The following SLC23A2 variants were observed in gnomAD, a reference collection of about 807,000 sequenced individuals.
The protein encoded by SLC23A2 is Na(+)/L-ascorbic acid transporter 2.
In SLC23A2, 36 loss-of-function variants were observed where a neutral mutation model predicts 73.3. That is an observed-to-expected ratio of 0.49 (90% confidence interval 0.38 to 0.65). The LOEUF (loss-of-function observed/expected upper bound fraction) is 0.65. Among genes scored for constraint, SLC23A2 ranks in the 30% least tolerant of loss-of-function variants. The pLI is 0.00. For synonymous variants in SLC23A2, 343 were observed against 327.3 expected (o/e 1.05, Z -0.52); for missense variants, 507 against 841.6 (o/e 0.60, Z 4.92).
intron 1 of SLC23A2, among the ~76,000 whole-genome samples, chr20:4,981,903 G>A (rs142637347): frequency 0.012 from 1,751 of 152,116 alleles, 31 homozygotes; most frequent in East Asian, 0.049. Context: ...GGGCTTCACC[G>A]TGATAGCCAG....
rs2122756585 is a variant in SLC23A2, at chr20:4,852,935, G to C, written c.*4037C>G. ...ACCCCCAACGCTAATGTGCCTTATGGGTCCATGGGCAGACGCTGAACGCTG... is the reference window on the plus strand; with the variant it reads ...ACCCCCAACGCTAATGTGCCTTATGCGTCCATGGGCAGACGCTGAACGCTG... On this transcript the variant is annotated 3_prime_UTR_variant, in exon 17 of 17. Coordinates refer to ENST00000338244, the MANE Select transcript of SLC23A2 (RefSeq NM_005116.6). This position sits in a 1 kb window ranked among gnomAD's most constrained non-coding sequence, Gnocchi z 4.3. 1 of 152,758 alleles carries C rather than the reference G, an allele frequency of 6.5e-6. No individual in the cohort carries two copies. The highest frequency in any genetic ancestry group is 2.1e-4 in the South Asian group (1 of 4,820). The allele number at this position is 152,758 out of a possible 1,614,324, so 9.5% of individuals were successfully genotyped here.
At position 4,862,703 on chromosome 20, in the gene SLC23A2, G is replaced by A. The variant is rs973777982; in HGVS notation, c.1486+75C>T. ...TTTATCGTTACCTTCTTACTGAAGG[G>A]AGTCAGCAAAAACACCATGACCCCT... On this transcript the variant is annotated intron_variant, in intron 14 of 16. Transcript: ENST00000338244. This position sits in a 1 kb window ranked among gnomAD's most constrained non-coding sequence, Gnocchi z 5.1. 9 of 1,315,688 alleles carry A rather than the reference G, an allele frequency of 6.8e-6. No homozygotes were observed. The African/African-American group carries it at 8.9e-5, about 13-fold the overall frequency. 81.5% of individuals were successfully genotyped at this position (1,315,688 alleles called of 1,614,324 possible). A position where few individuals can be genotyped will look rare whatever the true frequency, so the allele number is the denominator to read the frequency against.
intron 3 of SLC23A2, among the ~76,000 whole-genome samples, chr20:4,919,414 C>A (rs537799200): frequency 6.6e-6 from 1 of 152,142 alleles, no homozygotes; most frequent in Non-Finnish European, 1.5e-5. Flanking sequence ...AGAAGCACCC[C>A]GGGGATTCCA....
At position 4,883,647 on chromosome 20, in the gene SLC23A2, G is replaced by A. The variant is rs555024945; in HGVS notation, c.819C>T (p.Ala273=). Residue 273 remains alanine, a synonymous_variant, in exon 9 of 17, where the codon GCC becomes GCT. Transcript: ENST00000338244. This position sits in a 1 kb window ranked among gnomAD's most constrained non-coding sequence, Gnocchi z 4.5. ...GERAGKHWGI[A]MLTIFLVLLF... is the part of the protein sequence containing the mutation. ...GGGGAGATGTTTCCACTTACAGCAT[G>A]GCAATGCCCCAGTGCTTCCCGGCTC... is the stretch of plus-strand genomic sequence containing the variant. 74 of 1,608,476 alleles carry A rather than the reference G, an allele frequency of 4.6e-5. No individual in the cohort carries two copies. The highest frequency in any genetic ancestry group is 1.7e-4 in the Middle Eastern group (1 of 5,996).
At chr20:4,984,293 G>A (rs541023422) in intron 1 of SLC23A2, among the ~76,000 whole-genome samples, 70 of 151,918 alleles carry the variant, frequency 4.6e-4, no homozygotes, top group Admixed American at 1.4e-3. Flanking sequence ...AGTGGCTCAC[G>A]CCTGTAATCC....
At chr20:4,874,361 T>C (rs1051764258) in intron 10 of SLC23A2, among the ~76,000 whole-genome samples, 1 of 152,224 alleles carries the variant, frequency 6.6e-6, no homozygotes, top group South Asian at 2.1e-4. Context: ...CCAAGGACAG[T>C]GTCCCCTTCC....
chr20:4,981,416 T>G (rs1312788112), intron 1 of SLC23A2, among the ~76,000 whole-genome samples: 2 of 152,178 alleles, frequency 1.3e-5, no homozygotes, highest in African/African-American at 4.8e-5. Flanking sequence ...TTTTAGTTTA[T>G]TTATAGCAAT....
At chr20:4,953,195 A>T (rs1310195361) in intron 2 of SLC23A2, among the ~76,000 whole-genome samples, 1 of 152,072 alleles carries the variant, frequency 6.6e-6, no homozygotes, top group Non-Finnish European at 1.5e-5. Flanking sequence ...ATTCCCAGCT[A>T]CTTAGGAGGC....
Position 4,947,718 on chromosome 20 carries a change from T to C in SLC23A2, c.-154-15002A>G, listed in dbSNP as rs1185590722. On this transcript the variant is annotated intron_variant, in intron 2 of 16. Transcript: ENST00000338244. The surrounding 1 kb of genome is among the most constrained non-coding windows in gnomAD (Gnocchi z 4.4). Reference sequence around the variant, plus strand: ...AATGTTGTGGGTCCAACAATCATTCTGGAAGACAAACGTTGTTCGTGTTAC... The same window carrying C: ...AATGTTGTGGGTCCAACAATCATTCCGGAAGACAAACGTTGTTCGTGTTAC... 6.6e-6 allele frequency among the ~76,000 whole-genome samples: 1 copy of C among 152,202 alleles called. No individual in the cohort carries two copies. The highest frequency in any genetic ancestry group is 1.9e-4 in the East Asian group (1 of 5,202).
chr20:4,976,880 G>C (rs900780345), intron 1 of SLC23A2, among the ~76,000 whole-genome samples: 1 of 152,064 alleles, frequency 6.6e-6, no homozygotes, highest in South Asian at 2.1e-4. Flanking sequence ...GGAGGCTGAG[G>C]CAGGAGAATC....
At chr20:5,005,261 C>T (rs2088178956), upstream of SLC23A2, among the ~76,000 whole-genome samples, 2 of 151,148 alleles carry the variant, frequency 1.3e-5, no homozygotes, top group African/African-American at 2.4e-5. Flanking sequence ...TGTAGGTGTT[C>T]GATATCATTA....
In SLC23A2 at chr20:4,862,203, A is replaced by T. The variant is rs1032657259; in HGVS notation, c.1487-118T>A. 6 of 1,021,502 alleles carry T rather than the reference A, an allele frequency of 5.9e-6. No individual in the cohort carries two copies. In the African/African-American group the frequency reaches 9.7e-5, roughly 16 times the overall value. The allele number at this position is 1,021,502 out of a possible 1,614,324, so 63.3% of individuals were successfully genotyped here. A position where few individuals can be genotyped will look rare whatever the true frequency, so the allele number is the denominator to read the frequency against. On this transcript the variant is annotated intron_variant, in intron 14 of 16. Transcript: ENST00000338244. This position sits in a 1 kb window ranked among gnomAD's most constrained non-coding sequence, Gnocchi z 5.1. Reference sequence around the variant, plus strand: ...CTGTCCAACAGAAACCAATGAGACCAGTGCAGGGACAGGAAGGGGGACGTG... The same window carrying T: ...CTGTCCAACAGAAACCAATGAGACCTGTGCAGGGACAGGAAGGGGGACGTG...
chr20:4,895,419 A>G lies in SLC23A2; in HGVS notation c.482+4136T>C, dbSNP rs189545956. ...TAAAAGAAATGATAATTCACAGCCT[A>G]TGATGGATCTATCTAAGCAACTAGC... is the stretch of plus-strand genomic sequence containing the variant. On this transcript the variant is annotated intron_variant, in intron 6 of 16. Coordinates refer to ENST00000338244, the MANE Select transcript of SLC23A2 (RefSeq NM_005116.6). Among the ~76,000 whole-genome samples, 415 of 152,348 alleles carry G rather than the reference A, an allele frequency of 2.7e-3. 6 individuals are homozygous for G. The highest frequency in any genetic ancestry group is 9.3e-3 in the African/African-American group (385 of 41,568).
rs140276305 is a variant in SLC23A2 at position 4,940,542 on chromosome 20, G to A, written c.-154-7826C>T. ...ACCAACTATACATGCCAAGACAATT[G>A]GTTACCACCAAGTAACAAAATCCAG... On this transcript the variant is annotated intron_variant, in intron 2 of 16. Transcript: ENST00000338244. 5.9e-4 allele frequency among the ~76,000 whole-genome samples: 90 copies of A among 151,460 alleles called. 1 individual carries two copies. Among genetic ancestry groups the A allele is most frequent in the African/African-American group, 2.1e-3 (87 of 41,286 alleles).
chr20:4,874,075 C>T lies in SLC23A2; in HGVS notation c.963G>A (p.Leu321=), dbSNP rs1159402039. 1 of 1,613,162 alleles carries T rather than the reference C, an allele frequency of 6.2e-7. No homozygotes were observed. Among genetic ancestry groups the T allele is most frequent in the African/African-American group, 1.3e-5 (1 of 74,900 alleles). Residue 321 remains leucine (L), a synonymous_variant, in exon 11 of 17, where the codon CTG becomes CTA. Coordinates refer to ENST00000338244, the MANE Select transcript of SLC23A2 (RefSeq NM_005116.6). The part of the protein sequence containing the change: ...FKMFPIILAI[L]VSWLLCFIFT... Reference sequence around the variant, plus strand: ...AGATGAAGCAGAGCAGCCAGGATACCAGGATGGCCAGGATGATCTGGAGTG... The same window carrying T: ...AGATGAAGCAGAGCAGCCAGGATACTAGGATGGCCAGGATGATCTGGAGTG...
In SLC23A2 at chr20:4,852,494, T is replaced by C. The variant is rs1929564740; in HGVS notation, c.*4478A>G. Reference sequence around the variant, plus strand: ...AATACTTAAACGTTTAATGAAGCCATGTTAGAAAAACAATATGAAAATTCT... The same window carrying C: ...AATACTTAAACGTTTAATGAAGCCACGTTAGAAAAACAATATGAAAATTCT... On this transcript the variant is annotated 3_prime_UTR_variant, in exon 17 of 17. Coordinates refer to ENST00000338244, the MANE Select transcript of SLC23A2 (RefSeq NM_005116.6). This position sits in a 1 kb window ranked among gnomAD's most constrained non-coding sequence, Gnocchi z 4.3. The C allele has an allele frequency of 6.6e-6, 1 of 152,594 alleles. No individual in the cohort carries two copies. The highest frequency in any genetic ancestry group is 1.5e-5 in the Non-Finnish European group (1 of 68,042). The allele number at this position is 152,594 out of a possible 1,614,324, so 9.5% of individuals were successfully genotyped here.
At chr20:4,914,645 G>A (rs1341944757) in intron 3 of SLC23A2, among the ~76,000 whole-genome samples, 1 of 152,120 alleles carries the variant, frequency 6.6e-6, no homozygotes, top group Non-Finnish European at 1.5e-5. Flanking sequence ...GATCACTGCT[G>A]TAATTTATGA....
rs534192705 is a variant in SLC23A2, at chr20:4,855,073, A to T, written c.*1899T>A. Reference sequence around the variant, plus strand: ...TAAAGTATGCATCAAAGACACATTTAAAAAAACATACAAAATTAGATGTAA... The same window carrying T: ...TAAAGTATGCATCAAAGACACATTTTAAAAAACATACAAAATTAGATGTAA... On this transcript the variant is annotated 3_prime_UTR_variant, in exon 17 of 17. Coordinates refer to ENST00000338244, the MANE Select transcript of SLC23A2 (RefSeq NM_005116.6). The T allele has an allele frequency of 1.3e-5, 2 of 152,754 alleles. No homozygotes were observed. The highest frequency in any genetic ancestry group is 2.1e-4 in the South Asian group (1 of 4,822). 9.5% of individuals were successfully genotyped at this position (152,754 alleles called of 1,614,324 possible). A position where few individuals can be genotyped will look rare whatever the true frequency, so the allele number is the denominator to read the frequency against.
intron 2 of SLC23A2, among the ~76,000 whole-genome samples, chr20:4,966,979 A>G (rs1248411743): frequency 6.6e-6 from 1 of 152,078 alleles, no homozygotes; most frequent in East Asian, 1.9e-4. Context: ...CACAGAACTG[A>G]GAGGAGGGAA....
Sources: allele counts gnomAD v4.1 joint callset (sites outside exome capture counted in the v4.1 genomes callset), GRCh38; gene constraint gnomAD v4.1.1; non-coding constraint Gnocchi (gnomAD v3.1); transcripts MANE v1.5; gene names NCBI Gene and HGNC (gene_info 2026-07-23, HGNC 2026-07-21).